METTL15: variants seen among roughly 807,000 people sequenced by gnomAD.
METTL15 encodes methyltransferase 15, mitochondrial 12S rRNA N4-cytidine, also known as 12S rRNA N(4)-cytidine methyltransferase METTL15.
Under a neutral mutation model 38.3 loss-of-function variants are expected in METTL15, and 34 were observed. The ratio of observed to expected loss-of-function variants is 0.89; its 90% CI spans 0.68 to 1.18. METTL15 has a LOEUF of 1.18. Among genes scored for constraint, METTL15 ranks in the 50% most tolerant of loss-of-function variants. METTL15 has a pLI of 0.00. For synonymous variants in METTL15, 162 were observed against 170.9 expected (o/e 0.95, Z 0.41); for missense variants, 438 against 498.4 (o/e 0.88, Z 1.15).
chr11:28,412,410 G>A (rs1850735889), intron 5 of METTL15, among the ~76,000 whole-genome samples: 1 of 151,114 alleles, frequency 6.6e-6, no homozygotes, highest in East Asian at 1.9e-4. Flanking sequence ...TATATATAAA[G>A]GAGAGACAGA....
rs1051295067 is a variant in METTL15 at position 28,213,590 on chromosome 11, A to G, written c.407+2392A>G. On this transcript the variant is annotated intron_variant, in intron 4 of 6. Transcript: ENST00000407364. ...AATTAGAAGGTAACTGACCCTGACC[A>G]AATGGATTTGCAGTTATCTAATTCT... Among the ~76,000 whole-genome samples the G allele has an allele frequency of 3.0e-4, 46 of 151,166 alleles. 1 individual carries two copies. The highest frequency in any genetic ancestry group is 6.2e-4 in the Non-Finnish European group (42 of 67,820).
At chr11:28,184,172 G>C (rs1290090005) in intron 3 of METTL15, among the ~76,000 whole-genome samples, 3 of 151,752 alleles carry the variant, frequency 2.0e-5, no homozygotes, top group African/African-American at 7.3e-5. Context: ...GTCTTGCCTA[G>C]CGGTCTATCT....
rs746490910 is a variant in METTL15, at chr11:28,290,336, C to G, written c.538C>G (p.Pro180Ala). ...GTGTTCCTCCATGCAACTTGATACT[C>G]CTGAAAGAGGTTTTTCCCTTCGGAA... ...LGCSSMQLDT[P>A]ERGFSLRKDG... Residue 180 changes from proline (P) to alanine (A), a missense_variant, in exon 5 of 7, where the codon CCT (proline) becomes GCT (alanine). By Grantham distance (27) the Pro-to-Ala change is conservative. Coordinates refer to ENST00000407364, the MANE Select transcript of METTL15 (RefSeq NM_001113528.2). The G allele has an allele frequency of 6.2e-6, 10 of 1,613,268 alleles. No individual in the cohort carries two copies. In the East Asian group the frequency reaches 2.0e-4, roughly 32 times the overall value.
chr11:28,487,616 A>C (rs904178019), intron 6 of METTL15, among the ~76,000 whole-genome samples: 4 of 152,164 alleles, frequency 2.6e-5, no homozygotes, highest in Admixed American at 2.6e-4. Context: ...TCTAATAAAA[A>C]AGCTTATTTT....
chr11:28,436,429 G>T (rs116443214), intron 6 of METTL15, among the ~76,000 whole-genome samples: 2,675 of 152,260 alleles, frequency 0.018, 49 homozygotes, highest in African/African-American at 0.051. Flanking sequence ...AGATTTTGCA[G>T]ATCTGAGCTA....
chr11:28,171,701 T>C (rs1850863668), intron 3 of METTL15, among the ~76,000 whole-genome samples: 1 of 152,158 alleles, frequency 6.6e-6, no homozygotes, highest in Admixed American at 6.6e-5. Flanking sequence ...TGTTTACTTC[T>C]TTGATACTTT....
chr11:28,462,065 A>G (rs1479020796), intron 6 of METTL15, among the ~76,000 whole-genome samples: 1 of 152,076 alleles, frequency 6.6e-6, no homozygotes, highest in Non-Finnish European at 1.5e-5. Context: ...AATGTGACTC[A>G]CTATCCATGA....
intron 3 of METTL15, among the ~76,000 whole-genome samples, chr11:28,204,953 G>C (rs1852261965): frequency 1.3e-5 from 2 of 152,004 alleles, no homozygotes; most frequent in Non-Finnish European, 2.9e-5. Flanking sequence ...AGTTCCATGT[G>C]TCTTTGGAGC....
At chr11:28,368,651 G>A (rs1334238600) in intron 5 of METTL15, among the ~76,000 whole-genome samples, 2 of 151,978 alleles carry the variant, frequency 1.3e-5, no homozygotes, top group East Asian at 3.9e-4. Context: ...CCCATTACTG[G>A]GTATATACCC....
At position 28,330,816 on chromosome 11, in the gene METTL15, A is replaced by C; in HGVS notation, c.1199A>C (p.Lys400Thr). 1.3e-6 allele frequency: 2 copies of C among 1,540,290 alleles called. No homozygotes were observed. Among genetic ancestry groups the C allele is most frequent in the Non-Finnish European group, 1.7e-6 (2 of 1,143,616 alleles). Residue 400 changes from lysine to threonine, a missense_variant, in exon 7 of 7, where the codon AAG becomes ACG. By Grantham distance (78) the Lys-to-Thr change is moderately conservative. Transcript: ENST00000407364. Reference protein sequence around the residue: ...VQDNPRGRSAKLRAAIKL With the variant: ...VQDNPRGRSATLRAAIKL ...GATAACCCCAGAGGGCGCTCAGCCA[A>C]GCTTAGAGCAGCTATCAAATTATAA... is the stretch of plus-strand genomic sequence containing the variant.
intron 3 of METTL15, among the ~76,000 whole-genome samples, chr11:28,165,465 A>G (rs924138695): frequency 1.9e-4 from 29 of 152,090 alleles, no homozygotes; most frequent in African/African-American, 6.7e-4. Flanking sequence ...TTAGCCATTT[A>G]TATGTTTTCT....
chr11:28,460,958 T>A (rs1308462295), intron 6 of METTL15, among the ~76,000 whole-genome samples: 1 of 151,890 alleles, frequency 6.6e-6, no homozygotes, highest in Non-Finnish European at 1.5e-5. Flanking sequence ...AGGTTGGGAG[T>A]AGATAGAATT....
intron 6 of METTL15, among the ~76,000 whole-genome samples, chr11:28,489,795 A>AT (rs1230184255): frequency 2.0e-5 from 3 of 152,168 alleles, no homozygotes; most frequent in Admixed American, 6.6e-5. Context: ...TTTGCAAAGA[A>AT]TTTCAGCAAG....
intron 3 of METTL15, among the ~76,000 whole-genome samples, chr11:28,210,636 A>G (rs939188725): frequency 3.3e-5 from 5 of 151,898 alleles, no homozygotes; most frequent in Non-Finnish European, 7.4e-5. Flanking sequence ...GTTCTTGAGT[A>G]TCATTTTCAT....
chr11:28,195,687 T>C (rs1046346563), intron 3 of METTL15, among the ~76,000 whole-genome samples: 1 of 152,180 alleles, frequency 6.6e-6, no homozygotes, highest in Non-Finnish European at 1.5e-5. Context: ...ATTTTTTCTT[T>C]TGCTGTGCAG....
chr11:28,420,402 T>C (rs1434158083), intron 5 of METTL15, among the ~76,000 whole-genome samples: 1 of 152,192 alleles, frequency 6.6e-6, no homozygotes, highest in Non-Finnish European at 1.5e-5. Flanking sequence ...TTTTATCCAA[T>C]GACTGTAGAA....
chr11:28,151,996 A>G (rs1850106151), intron 3 of METTL15, among the ~76,000 whole-genome samples: 1 of 152,038 alleles, frequency 6.6e-6, no homozygotes, highest in African/African-American at 2.4e-5. Flanking sequence ...AAAGAAGGTC[A>G]ATTCCCAGCG....
chr11:28,351,769 A>G (rs577621794), intron 3 of METTL15, among the ~76,000 whole-genome samples: 64 of 152,348 alleles, frequency 4.2e-4, no homozygotes, highest in Middle Eastern at 3.4e-3. Context: ...GAAATTTACA[A>G]CTGAGCAAAA....
At chr11:28,411,108 A>T (rs1271970085) in intron 5 of METTL15, among the ~76,000 whole-genome samples, 1 of 152,058 alleles carries the variant, frequency 6.6e-6, no homozygotes, top group African/African-American at 2.4e-5. Context: ...AACACAAATA[A>T]ATGGAAAGGT....
Sources: gnomAD v4.1 joint callset for allele counts (sites outside exome capture counted in the v4.1 genomes callset) on GRCh38, gnomAD v4.1.1 for gene constraint, MANE v1.5 for transcripts, NCBI Gene and HGNC (gene_info 2026-07-23, HGNC 2026-07-21) for gene names.